The following NAV2 variants were observed in gnomAD, a reference collection of about 807,000 sequenced individuals.
NAV2 encodes helicase, APC down-regulated 1.
A neutral mutation model predicts 223.2 loss-of-function variants in NAV2; 54 were observed. The ratio of observed to expected loss-of-function variants is 0.24; its 90% CI spans 0.19 to 0.30. The LOEUF is 0.30. NAV2 is among the 10% of genes least tolerant of loss of function. The probability of loss-of-function intolerance (pLI) is 1.00; values close to 1 mark genes in which losing one functional copy is unlikely to be tolerated. For synonymous variants in NAV2, 1,279 were observed against 1,239.3 expected (o/e 1.03, Z -0.67); for missense variants, 2,806 against 3,147.5 (o/e 0.89, Z 2.60).
intron 1 of NAV2, among the ~76,000 whole-genome samples, chr11:19,577,243 C>T (rs561534572): frequency 1.4e-4 from 22 of 152,378 alleles, no homozygotes; most frequent in African/African-American, 5.0e-4. Context: ...GTGTTGCTAA[C>T]TGGCGAAAGC....
intron 7 of NAV2, among the ~76,000 whole-genome samples, chr11:19,937,374 C>T (rs1208408720): frequency 6.7e-6 from 1 of 148,590 alleles, no homozygotes; most frequent in Non-Finnish European, 1.5e-5. Flanking sequence ...ACCAAAACCT[C>T]TCCATGTTAA....
intron 1 of NAV2, among the ~76,000 whole-genome samples, chr11:19,663,354 C>T (rs190693473): frequency 5.1e-4 from 77 of 152,120 alleles, no homozygotes; most frequent in Non-Finnish European, 6.9e-4. Flanking sequence ...TTTTACTGTC[C>T]CCACAACCCC....
At chr11:19,854,154 C>G (rs1345189469) in intron 3 of NAV2, among the ~76,000 whole-genome samples, 2 of 152,158 alleles carry the variant, frequency 1.3e-5, no homozygotes, top group Non-Finnish European at 2.9e-5. Flanking sequence ...GATCCACCTC[C>G]CTGCATATGT....
rs191438267 is a variant in NAV2, at chr11:20,028,966, G to A, written c.2769-6993G>A. Among the ~76,000 whole-genome samples, 544 of 152,272 alleles carry A rather than the reference G, an allele frequency of 3.6e-3. 4 individuals are homozygous for A. The highest frequency in any genetic ancestry group is 0.012 in the African/African-American group (517 of 41,546). On this transcript the variant is annotated intron_variant, in intron 11 of 37. Transcript: ENST00000349880. The stretch of plus-strand genomic sequence containing the variant: ...CTCCCATGGGGATTGTATCAAATAA[G>A]AGAACATACTTCTGTCTAAAAAGGG...
At chr11:19,351,797 T>G (rs2729844) in intron 1 of NAV2, among the ~76,000 whole-genome samples, 133,224 of 136,250 alleles carry the variant, frequency 0.98, 65,219 homozygotes, top group Middle Eastern at 1. Context: ...AAATGTTGTG[T>G]ATGGTAAAAA....
At position 19,627,928 on chromosome 11, in the gene NAV2, AGAAG is replaced by A. The variant is rs781069900; in HGVS notation, c.76-204555_76-204552del. 3.8e-3 allele frequency among the ~76,000 whole-genome samples: 486 copies of A among 129,118 alleles called. 2 individuals are homozygous for A. Among genetic ancestry groups the A allele is most frequent in the African/African-American group, 8.7e-3 (285 of 32,898 alleles). 84.7% of individuals were successfully genotyped at this position (129,118 alleles called of 152,430 possible). A position where few individuals can be genotyped will look rare whatever the true frequency, so the allele number is the denominator to read the frequency against. Reference sequence around the variant, plus strand: ...CCTTGTTTTCAAAAAAAAAAAAAAAAGAAGAAGAAGAAGAAGAAGAGATAATGAT... The same window carrying A: ...CCTTGTTTTCAAAAAAAAAAAAAAAAAAGAAGAAGAAGAAGAGATAATGAT... On this transcript the variant is annotated intron_variant, in intron 1 of 37. Coordinates refer to the NAV2 transcript ENST00000360655.
chr11:19,459,825 GCCA>G (rs1852091285), intron 1 of NAV2, among the ~76,000 whole-genome samples: 1 of 152,172 alleles, frequency 6.6e-6, no homozygotes, highest in African/African-American at 2.4e-5. Context: ...GGTCTTGGGA[GCCA>G]CAGAATGTTT....
chr11:20,082,466 G>C, intron 25 of NAV2: 1 of 873,218 alleles, frequency 1.1e-6, no homozygotes, highest in South Asian at 1.4e-5. Flanking sequence ...TCCCCTGTGT[G>C]TGGTGTTTAT....
rs539690333 is a variant in NAV2 at position 19,470,580 on chromosome 11, C to A, written c.75+119553C>A. On this transcript the variant is annotated intron_variant, in intron 1 of 37. Coordinates refer to the NAV2 transcript ENST00000360655. ...TGTGATAATAGACCTATTCCCATGACAATGACAATAATCTATCGTGACCAT... is the reference window on the plus strand; with the variant it reads ...TGTGATAATAGACCTATTCCCATGAAAATGACAATAATCTATCGTGACCAT... Among the ~76,000 whole-genome samples the A allele has an allele frequency of 5.9e-5, 9 of 152,288 alleles. No homozygotes were observed. The South Asian group carries it at 1.2e-3, about 21-fold the overall frequency.
chr11:19,683,449 G>A (rs1004492957), intron 1 of NAV2, among the ~76,000 whole-genome samples: 1 of 152,168 alleles, frequency 6.6e-6, no homozygotes, highest in African/African-American at 2.4e-5. Flanking sequence ...TCATAATTTG[G>A]TACAGATAAA....
intron 1 of NAV2, among the ~76,000 whole-genome samples, chr11:19,720,678 A>G (rs759004101): frequency 1.1e-4 from 16 of 152,188 alleles, no homozygotes; most frequent in Admixed American, 2.6e-4. Flanking sequence ...CTAGTCACGG[A>G]TATCGATTGA....
intron 20 of NAV2, among the ~76,000 whole-genome samples, chr11:20,066,099 A>G (rs915757336): frequency 6.6e-6 from 1 of 152,266 alleles, no homozygotes; most frequent in African/African-American, 2.4e-5. Context: ...TAAAAGGATT[A>G]GATGAATAAT....
chr11:19,517,294 G>A (rs926408574), intron 1 of NAV2, among the ~76,000 whole-genome samples: 1 of 152,096 alleles, frequency 6.6e-6, no homozygotes, highest in African/African-American at 2.4e-5. Flanking sequence ...CCTCCTTTGG[G>A]GCATTTATCT....
intron 1 of NAV2, among the ~76,000 whole-genome samples, chr11:19,700,320 T>C (rs1831725475): frequency 6.6e-6 from 1 of 152,214 alleles, no homozygotes; most frequent in South Asian, 2.1e-4. Flanking sequence ...AGTGGCACAG[T>C]TCGGACCCAT....
intron 3 of NAV2, among the ~76,000 whole-genome samples, chr11:19,865,858 T>C (rs1305903377): frequency 2.0e-5 from 2 of 98,322 alleles, no homozygotes; most frequent in African/African-American, 3.9e-5. Context: ...CTCTTGTCTA[T>C]GTGCTCTGAT....
At chr11:19,465,666 A>G (rs374792558) in intron 1 of NAV2, among the ~76,000 whole-genome samples, 22 of 152,368 alleles carry the variant, frequency 1.4e-4, no homozygotes, top group Middle Eastern at 3.4e-3. Context: ...ATGATATAGC[A>G]TAAGGCATAG....
At chr11:19,559,842 G>A (rs1277692282) in intron 1 of NAV2, among the ~76,000 whole-genome samples, 6 of 152,168 alleles carry the variant, frequency 3.9e-5, no homozygotes, top group Admixed American at 6.5e-5. Flanking sequence ...TTCATGGTCT[G>A]CCCCTGGTGA....
intron 10 of NAV2, among the ~76,000 whole-genome samples, chr11:19,963,813 C>T (rs138293702): frequency 6.6e-6 from 1 of 152,290 alleles, no homozygotes; most frequent in African/African-American, 2.4e-5. Flanking sequence ...GAAATGAAAA[C>T]CGATGAGGTG....
chr11:19,871,328 C>T (rs1395320230), intron 4 of NAV2, among the ~76,000 whole-genome samples: 1 of 152,162 alleles, frequency 6.6e-6, no homozygotes, highest in Admixed American at 6.5e-5. Context: ...TACCCTCATT[C>T]CTTCCAGTGT....
Sources: allele counts gnomAD v4.1 joint callset (sites outside exome capture counted in the v4.1 genomes callset), GRCh38; gene constraint gnomAD v4.1.1; transcripts MANE v1.5; gene names NCBI Gene and HGNC (gene_info 2026-07-23, HGNC 2026-07-21).